DNAH9: variants seen among roughly 807,000 people sequenced by gnomAD.
The protein encoded by DNAH9 is DNAH9 variant protein.
DNAH9 carries 345 observed loss-of-function variants against 471.6 expected under a neutral mutation model. The ratio of observed to expected loss-of-function variants is 0.73; its 90% confidence interval spans 0.67 to 0.80. DNAH9 has a LOEUF of 0.80. DNAH9 is among the 30% of genes least tolerant of loss of function. The probability of loss-of-function intolerance (pLI) is 0.00; values close to 1 mark genes in which losing one functional copy is unlikely to be tolerated. For missense variants in DNAH9, 5,407 were observed against 5,609.2 expected, an observed-to-expected ratio of 0.96 and a Z score of 1.15; for synonymous variants, 2,093 against 2,123.6, an observed-to-expected ratio of 0.99 and a Z score of 0.40.
In DNAH9 at chr17:11,610,529, G is replaced by GTGGAGT; in HGVS notation, c.756_761dup (p.Leu252_Glu253dup). On this transcript the variant is annotated inframe_insertion, in exon 3 of 69. Coordinates refer to ENST00000262442, the MANE Select transcript of DNAH9 (RefSeq NM_001372.4). ...ACAAGGGGAGAATCCCACCCCTAAG[G>GTGGAGT]TGGAGTTGGAGTTCTGGAAGAGCAG... is the stretch of plus-strand genomic sequence containing the variant. 2 of 1,612,922 alleles carry GTGGAGT rather than the reference G, an allele frequency of 1.2e-6. No homozygotes were observed. The highest frequency in any genetic ancestry group is 1.7e-6 in the Non-Finnish European group (2 of 1,179,964).
At chr17:11,861,368 G>A (rs968850315) in intron 50 of DNAH9, among the ~76,000 whole-genome samples, 1 of 150,490 alleles carries the variant, frequency 6.6e-6, no homozygotes, top group Non-Finnish European at 1.5e-5. Context: ...CATTTTTTAT[G>A]GCTGCATAGT....
intron 6 of DNAH9, among the ~76,000 whole-genome samples, chr17:11,624,274 C>T (rs112850823): frequency 6.7e-4 from 102 of 152,270 alleles, no homozygotes; most frequent in South Asian, 2.7e-3. Flanking sequence ...TTTGGGAGGC[C>T]GAGGTGGTGG....
chr17:11,959,271 G>A (rs989548535), intron 67 of DNAH9, among the ~76,000 whole-genome samples: 3 of 152,088 alleles, frequency 2.0e-5, no homozygotes, highest in Non-Finnish European at 4.4e-5. Context: ...ACGTGGTAAG[G>A]GAAGACATGG....
chr17:11,768,702 G>T (rs765390900), intron 37 of DNAH9, 76 bp downstream of exon 37: 2 of 1,527,262 alleles, frequency 1.3e-6, no homozygotes, highest in African/African-American at 2.7e-5. Flanking sequence ...TAGCAGCCCC[G>T]CATGGCTATC....
At chr17:11,965,491 G>C (rs552497926) in intron 68 of DNAH9, among the ~76,000 whole-genome samples, 1 of 152,212 alleles carries the variant, frequency 6.6e-6, no homozygotes, top group Non-Finnish European at 1.5e-5. Flanking sequence ...TGGCAAGAGA[G>C]AGAATATGAT....
At chr17:11,646,953 G>A in intron 11 of DNAH9, 119 bp from the exon 12 acceptor site, 1 of 990,806 alleles carries the variant, frequency 1.0e-6, no homozygotes, top group Non-Finnish European at 1.5e-6. Context: ...CTCAGAAGCT[G>A]ACCCAGCCTG....
chr17:11,655,946 C>A (rs558829544), intron 14 of DNAH9, among the ~76,000 whole-genome samples: 1 of 152,122 alleles, frequency 6.6e-6, no homozygotes, highest in South Asian at 2.1e-4. Context: ...ATCACAATTT[C>A]TTTATCCACT....
At position 11,610,533 on chromosome 17, in the gene DNAH9, A is replaced by G; in HGVS notation, c.752A>G (p.Glu251Gly). The change falls in exon 3 of 69, where the codon GAG becomes GGG. Residue 251 changes from glutamate (E) to glycine (G), a missense_variant. By Grantham distance (98) the Glu-to-Gly change is moderately conservative. Transcript: ENST00000262442. The stretch of plus-strand genomic sequence containing the variant: ...GGGGAGAATCCCACCCCTAAGGTGG[A>G]GTTGGAGTTCTGGAAGAGCAGGTAG... ...LQGENPTPKV[E>G]LEFWKSRYED... 1 of 1,612,736 alleles carries G rather than the reference A, an allele frequency of 6.2e-7. No homozygotes were observed.
chr17:11,755,457 G>A (rs182004962), intron 33 of DNAH9, among the ~76,000 whole-genome samples: 104 of 152,236 alleles, frequency 6.8e-4, no homozygotes, highest in Non-Finnish European at 1.1e-3. Context: ...CCATGAACAC[G>A]GGATATTTTT....
At position 11,942,498 on chromosome 17, in the gene DNAH9, T is replaced by C. The variant is rs1171687951; in HGVS notation, c.12843+13T>C. Reference sequence around the variant, plus strand: ...GCTCGGCTTAAAGGTGAGCGCGGTCTTGTAAGGCATGGAGGGGACATTGCT... The same window carrying C: ...GCTCGGCTTAAAGGTGAGCGCGGTCCTGTAAGGCATGGAGGGGACATTGCT... On this transcript the variant is annotated intron_variant, in intron 67 of 68. Coordinates refer to ENST00000262442, the MANE Select transcript of DNAH9 (RefSeq NM_001372.4). 2.5e-6 allele frequency: 4 copies of C among 1,609,514 alleles called. No homozygotes were observed. Among genetic ancestry groups the C allele is most frequent in the Non-Finnish European group, 3.4e-6 (4 of 1,177,580 alleles).
chr17:11,877,772 A>G (rs1166874472), intron 53 of DNAH9, among the ~76,000 whole-genome samples: 1 of 152,156 alleles, frequency 6.6e-6, no homozygotes. Flanking sequence ...GCATGCTATG[A>G]TATATATAGA....
intron 19 of DNAH9, among the ~76,000 whole-genome samples, chr17:11,687,339 G>A (rs2074258293): frequency 6.6e-6 from 1 of 152,168 alleles, no homozygotes. Flanking sequence ...TAATTTAATA[G>A]TATGCATAAC....
intron 49 of DNAH9, among the ~76,000 whole-genome samples, chr17:11,852,122 G>A (rs1025708345): frequency 1.3e-5 from 2 of 152,166 alleles, no homozygotes; most frequent in East Asian, 1.9e-4. Context: ...AAGAATGAAA[G>A]GAGCATCTGC....
chr17:11,804,380 G>A (rs2150921254), intron 43 of DNAH9, among the ~76,000 whole-genome samples: 1 of 152,230 alleles, frequency 6.6e-6, no homozygotes, highest in South Asian at 2.1e-4. Context: ...GGAAGATAAA[G>A]GTGAGAAATT....
rs753245869 is a variant in DNAH9, at chr17:11,738,942, G to A, written c.5877G>A (p.Glu1959=). Reference sequence around the variant, plus strand: ...AGTGGTTCAGCTTCCTTGGGGAGGAGATCAGCCTGAATCCTTCTGTCGGTA... The same window carrying A: ...AGTGGTTCAGCTTCCTTGGGGAGGAAATCAGCCTGAATCCTTCTGTCGGTA... ...KKQWFSFLGE[E]ISLNPSVGIF... The change falls in exon 29 of 69, where the codon GAG becomes GAA. Residue 1959 remains glutamate (E), a synonymous_variant. Transcript: ENST00000262442. 1 of 1,614,084 alleles carries A rather than the reference G, an allele frequency of 6.2e-7. No homozygotes were observed. Among genetic ancestry groups the A allele is most frequent in the Non-Finnish European group, 8.5e-7 (1 of 1,179,950 alleles).
In DNAH9 at chr17:11,854,332, C is replaced by T; in HGVS notation, c.9837C>T (p.Phe3279=). ...VINIVRFYEV[F]CDVEPKRQAL... ...ATATTGTGAGATTTTATGAGGTGTTCTGTGATGTGGAACCCAAGCGCCAGG... is the reference window on the plus strand; with the variant it reads ...ATATTGTGAGATTTTATGAGGTGTTTTGTGATGTGGAACCCAAGCGCCAGG... The change falls in exon 50 of 69, where the codon TTC becomes TTT. Residue 3279 remains phenylalanine, a synonymous_variant. Coordinates refer to ENST00000262442, the MANE Select transcript of DNAH9 (RefSeq NM_001372.4). 6.2e-7 allele frequency: 1 copy of T among 1,614,116 alleles called. No homozygotes were observed. The highest frequency in any genetic ancestry group is 8.5e-7 in the Non-Finnish European group (1 of 1,180,038).
intron 19 of DNAH9, 92 bp from the exon 20 acceptor site, chr17:11,689,474 A>AT (rs1275226411): frequency 9.3e-7 from 1 of 1,080,612 alleles, no homozygotes; most frequent in Non-Finnish European, 1.3e-6. Flanking sequence ...AACACCAAGC[A>AT]TTTAAATATT....
Position 11,781,041 on chromosome 17 carries a change from G to A in DNAH9, c.7585G>A (p.Gly2529Ser), listed in dbSNP as rs763887946. Reference protein sequence around the residue: ...VLEKPLEKKAGRNYGPPGNKK... With the variant: ...VLEKPLEKKASRNYGPPGNKK... ...GGAGAAGCCTCTGGAAAAGAAGGCTGGCAGAAACTATGGCCCTCCAGGGAA... is the reference window on the plus strand; with the variant it reads ...GGAGAAGCCTCTGGAAAAGAAGGCTAGCAGAAACTATGGCCCTCCAGGGAA... The change falls in exon 39 of 69, where the codon GGC becomes AGC. Residue 2529 changes from glycine to serine, a missense_variant. Physicochemically the swap from Gly to Ser is moderately conservative, Grantham distance 56 (BLOSUM62 0). Transcript: ENST00000262442. 21 of 1,613,982 alleles carry A rather than the reference G, an allele frequency of 1.3e-5. No individual in the cohort carries two copies. Among genetic ancestry groups the A allele is most frequent in the Admixed American group, 1.7e-5 (1 of 59,992 alleles).
intron 67 of DNAH9, among the ~76,000 whole-genome samples, chr17:11,957,350 A>T (rs754756756): frequency 6.6e-6 from 1 of 152,218 alleles, no homozygotes; most frequent in African/African-American, 2.4e-5. Flanking sequence ...CCAATTTTAC[A>T]TAAACTCTTC....
Sources: gnomAD v4.1 joint callset for allele counts (sites outside exome capture counted in the v4.1 genomes callset) on GRCh38, gnomAD v4.1.1 for gene constraint, MANE v1.5 for transcripts, NCBI Gene and HGNC (gene_info 2026-07-23, HGNC 2026-07-21) for gene names.